The following FERMT2 variants were observed in gnomAD, a reference collection of about 807,000 sequenced individuals.
FERMT2 encodes FERM domain containing kindlin 2.
Under a neutral mutation model 82.7 loss-of-function variants are expected in FERMT2, and 15 were observed. The ratio of observed to expected loss-of-function variants is 0.18; its 90% CI spans 0.12 to 0.28. The LOEUF (loss-of-function observed/expected upper bound fraction) is 0.28, where lower values mean the gene tolerates loss of function less well. FERMT2 is among the 10% of genes least tolerant of loss of function. FERMT2 has a pLI of 1.00. For synonymous variants in FERMT2, 274 were observed against 271.5 expected, an observed-to-expected ratio of 1.01 and a Z score of -0.09; for missense variants, 645 against 809.4, an observed-to-expected ratio of 0.80 and a Z score of 2.46.
intron 2 of FERMT2, among the ~76,000 whole-genome samples, chr14:52,923,208 G>GT (rs1029039032): frequency 2.6e-5 from 4 of 151,296 alleles, no homozygotes; most frequent in African/African-American, 9.7e-5. Context: ...TGGGGGTTGG[G>GT]GGGGGAATCC....
intron 13 of FERMT2, 191 bp downstream of exon 13, chr14:52,860,150 C>G: frequency 1.8e-6 from 1 of 552,688 alleles, no homozygotes; most frequent in Non-Finnish European, 3.1e-6. Context: ...AAAACAAACA[C>G]AATTATCTTG....
At chr14:52,880,280 C>G (rs1886210771) in intron 6 of FERMT2, among the ~76,000 whole-genome samples, 2 of 152,090 alleles carry the variant, frequency 1.3e-5, no homozygotes, top group Non-Finnish European at 2.9e-5. Context: ...TTTTTTGAAG[C>G]AACATCTTTT....
intron 3 of FERMT2, among the ~76,000 whole-genome samples, chr14:52,903,624 T>G (rs1887805938): frequency 6.6e-6 from 1 of 151,886 alleles, no homozygotes; most frequent in Non-Finnish European, 1.5e-5. Context: ...AAAAGATAAT[T>G]TAACAATGAC....
In FERMT2 at chr14:52,893,143, T is replaced by C. The variant is rs1330529129; in HGVS notation, c.526+150A>G. On this transcript the variant is annotated intron_variant, in intron 4 of 14. Coordinates refer to ENST00000341590, the MANE Select transcript of FERMT2 (RefSeq NM_006832.3). ...TCCCAAGTAGCTGGGACTACAGGTG[T>C]GTGCCACCATGCCTGGCTAATTGAA... 5 of 574,006 alleles carry C rather than the reference T, an allele frequency of 8.7e-6. No individual in the cohort carries two copies. The East Asian group carries it at 1.5e-4, about 17-fold the overall frequency. The allele number at this position is 574,006 out of a possible 1,614,324, so 35.6% of individuals were successfully genotyped here. A position where few individuals can be genotyped will look rare whatever the true frequency, so the allele number is the denominator to read the frequency against.
intron 2 of FERMT2, among the ~76,000 whole-genome samples, chr14:52,922,230 AG>A (rs1888995041): frequency 1.3e-5 from 2 of 152,302 alleles, no homozygotes; most frequent in Admixed American, 1.3e-4. Context: ...GAGAAAGATG[AG>A]GTATCTCTCC....
chr14:52,877,574 C>CTTTTTTTTTTTTT lies in FERMT2; in HGVS notation c.963+995_963+1007dup, dbSNP rs34676786. Reference sequence around the variant, plus strand: ...CTAAGGTGAAAATTAGCTGTTCTTGCTTTTTTTTTTTTTTTTTTTTTTTTG... The same window carrying CTTTTTTTTTTTTT: ...CTAAGGTGAAAATTAGCTGTTCTTGCTTTTTTTTTTTTTTTTTTTTTTTTTTTTTTTTTTTTTG... On this transcript the variant is annotated intron_variant, in intron 7 of 14. Transcript: ENST00000341590. 1.6e-3 allele frequency among the ~76,000 whole-genome samples: 108 copies of CTTTTTTTTTTTTT among 67,064 alleles called. 8 individuals are homozygous for CTTTTTTTTTTTTT. Among genetic ancestry groups the CTTTTTTTTTTTTT allele is most frequent in the Non-Finnish European group, 1.9e-3 (75 of 39,962 alleles). The allele number at this position is 67,064 out of a possible 152,430, so 44.0% of individuals were successfully genotyped here.
chr14:52,874,216 G>C lies in FERMT2; in HGVS notation c.1109C>G (p.Thr370Ser). The change falls in exon 9 of 15, where the codon ACT becomes AGT. Residue 370 changes from threonine to serine, a missense_variant. Coordinates refer to ENST00000341590, the MANE Select transcript of FERMT2 (RefSeq NM_006832.3). ...GKTSTILGDITSIPELADYIK... is the reference protein window; with the variant it reads ...GKTSTILGDISSIPELADYIK... ...GTAGTCAGCAAGTTCAGGAATGGAA[G>C]TAATGTCACCCTAGGAGAGAGTTAA... The C allele has an allele frequency of 6.3e-7, 1 of 1,593,670 alleles. No individual in the cohort carries two copies. The highest frequency in any genetic ancestry group is 8.6e-7 in the Non-Finnish European group (1 of 1,169,572).
chr14:52,930,829 T>C (rs1326264067), intron 2 of FERMT2, among the ~76,000 whole-genome samples: 1 of 152,220 alleles, frequency 6.6e-6, no homozygotes, highest in Non-Finnish European at 1.5e-5. Flanking sequence ...GTAAAATTAA[T>C]GCTTAAGTTT....
chr14:52,871,116 G>A (rs1594933934), intron 10 of FERMT2, among the ~76,000 whole-genome samples: 1 of 152,200 alleles, frequency 6.6e-6, no homozygotes, highest in Admixed American at 6.5e-5. Flanking sequence ...ATGGCTGCAG[G>A]TGTTAGCTCC....
intron 2 of FERMT2, among the ~76,000 whole-genome samples, chr14:52,942,407 A>G (rs1399086534): frequency 6.8e-6 from 1 of 147,994 alleles, no homozygotes; most frequent in African/African-American, 2.5e-5. Context: ...GGTTCACACC[A>G]TTCTCCAGCC....
chr14:52,907,979 T>C (rs1888112010), intron 3 of FERMT2, among the ~76,000 whole-genome samples: 1 of 152,320 alleles, frequency 6.6e-6, no homozygotes, highest in South Asian at 2.1e-4. Flanking sequence ...ATCTGGGATA[T>C]GCAAAGAATG....
chr14:52,884,613 A>G (rs1886481018), intron 4 of FERMT2, among the ~76,000 whole-genome samples: 1 of 151,586 alleles, frequency 6.6e-6, no homozygotes, highest in South Asian at 2.1e-4. Flanking sequence ...AAAACAACAA[A>G]CAAAAAAACC....
At chr14:52,902,599 TG>T (rs1252836430) in intron 3 of FERMT2, among the ~76,000 whole-genome samples, 1 of 151,590 alleles carries the variant, frequency 6.6e-6, no homozygotes, top group Non-Finnish European at 1.5e-5. Context: ...CCAGACACAG[TG>T]TCTCATGCCT....
intron 10 of FERMT2, among the ~76,000 whole-genome samples, chr14:52,865,911 C>T (rs755833135): frequency 6.6e-6 from 1 of 152,130 alleles, no homozygotes; most frequent in Non-Finnish European, 1.5e-5. Flanking sequence ...TTCCCCCCTG[C>T]CCTTTGTTTT....
intron 3 of FERMT2, 105 bp from the exon 4 acceptor site, chr14:52,893,532 T>C: frequency 1.2e-6 from 1 of 842,188 alleles, no homozygotes. Context: ...TCCTTCTGTA[T>C]GTCTGAGTTG....
intron 2 of FERMT2, among the ~76,000 whole-genome samples, chr14:52,927,497 G>C (rs189675417): frequency 2.2e-4 from 31 of 141,514 alleles, no homozygotes; most frequent in African/African-American, 8.1e-4. Context: ...GCTCACGTCT[G>C]TAATCCCAAC....
Position 52,926,715 on chromosome 14 carries a change from C to T in FERMT2, c.158-7359G>A, listed in dbSNP as rs187374872. On this transcript the variant is annotated intron_variant, in intron 2 of 14. Transcript: ENST00000341590. ...TTCTCAAAAAGGCTCGGGGGTGGGG[C>T]GTGGGGGGTAAAAAGCTGTACTATT... Among the ~76,000 whole-genome samples the T allele has an allele frequency of 1.8e-3, 269 of 151,456 alleles. 1 individual carries two copies. Among genetic ancestry groups the T allele is most frequent in the African/African-American group, 6.3e-3 (261 of 41,278 alleles).
At chr14:52,950,347 G>A in intron 2 of FERMT2, 65 bp downstream of exon 2, 6 of 1,525,800 alleles carry the variant, frequency 3.9e-6, no homozygotes, top group Non-Finnish European at 5.4e-6. Context: ...CCCGTCGTGA[G>A]CCTCTTTCCT....
intron 2 of FERMT2, 146 bp from the exon 3 acceptor site, chr14:52,919,502 T>A: frequency 1.6e-6 from 1 of 624,942 alleles, no homozygotes; most frequent in Non-Finnish European, 2.8e-6. Flanking sequence ...AAAGAAACAT[T>A]AACAGCTGAG....
Sources: gnomAD v4.1 joint callset for allele counts (sites outside exome capture counted in the v4.1 genomes callset) on GRCh38, gnomAD v4.1.1 for gene constraint, MANE v1.5 for transcripts, NCBI Gene and HGNC (gene_info 2026-07-23, HGNC 2026-07-21) for gene names.